The following DCAF10 variants were observed in gnomAD, a reference collection of about 807,000 sequenced individuals.
DCAF10 encodes the protein DDB1- and CUL4-associated factor 10.
In DCAF10, 19 loss-of-function variants were observed where a neutral mutation model predicts 51.9. That is an observed-to-expected ratio of 0.37 (90% CI 0.26 to 0.54). The LOEUF is 0.54. DCAF10 is among the 20% of genes least tolerant of loss of function. The probability of loss-of-function intolerance (pLI) is 0.87; values close to 1 mark genes in which losing one functional copy is unlikely to be tolerated. For missense variants in DCAF10, 510 were observed against 730.6 expected, an observed-to-expected ratio of 0.70 and a Z score of 3.48; for synonymous variants, 291 against 297.1, an observed-to-expected ratio of 0.98 and a Z score of 0.21.
intron 3 of DCAF10, among the ~76,000 whole-genome samples, chr9:37,853,576 A>C (rs1008672971): frequency 6.6e-6 from 1 of 151,648 alleles, no homozygotes; most frequent in African/African-American, 2.4e-5. Context: ...TAACAGCTGG[A>C]AGTTTTACAA....
intron 2 of DCAF10, among the ~76,000 whole-genome samples, chr9:37,835,688 A>G (rs1830141772): frequency 6.6e-6 from 1 of 152,136 alleles, no homozygotes; most frequent in Non-Finnish European, 1.5e-5. Context: ...CAGAGAGCTG[A>G]GAGTCACGCC....
intron 1 of DCAF10, among the ~76,000 whole-genome samples, chr9:37,811,291 CACT>C (rs141990327): frequency 0.13 from 19,427 of 152,184 alleles, 1,396 homozygotes; most frequent in Non-Finnish European, 0.16. Context: ...ATAATCACAT[CACT>C]ACACTTCAGC....
intron 4 of DCAF10, among the ~76,000 whole-genome samples, chr9:37,855,893 G>A (rs1156536031): frequency 6.6e-6 from 1 of 152,180 alleles, no homozygotes; most frequent in African/African-American, 2.4e-5. Flanking sequence ...GCTCACGTTT[G>A]TAATCCTAGC....
intron 3 of DCAF10, among the ~76,000 whole-genome samples, chr9:37,843,034 T>C (rs1278918609): frequency 6.6e-6 from 1 of 152,232 alleles, no homozygotes; most frequent in Non-Finnish European, 1.5e-5. Context: ...GTTGTTGTTT[T>C]TGAGACAGGG....
chr9:37,810,463 C>T (rs111615516), intron 1 of DCAF10, among the ~76,000 whole-genome samples: 25,447 of 146,958 alleles, frequency 0.17, 2,503 homozygotes, highest in African/African-American at 0.25. Context: ...TTCTTTCTTT[C>T]TTTTTTTTTT....
chr9:37,808,175 T>TAGCTGGCAAAGTG (rs1829181034), intron 1 of DCAF10, among the ~76,000 whole-genome samples: 1 of 151,948 alleles, frequency 6.6e-6, no homozygotes, highest in Non-Finnish European at 1.5e-5. Flanking sequence ...GGTTCATACC[T>TAGCTGGCAAAGTG]GTGATCCCAA....
chr9:37,866,543 C>T lies in DCAF10; in HGVS notation c.*5035C>T, dbSNP rs954904203. 1 of 152,160 alleles carries T rather than the reference C, an allele frequency of 6.6e-6. No individual in the cohort carries two copies. Among genetic ancestry groups the T allele is most frequent in the African/African-American group, 2.4e-5 (1 of 41,402 alleles). The allele number at this position is 152,160 out of a possible 1,614,324, so 9.4% of individuals were successfully genotyped here. Reference sequence around the variant, plus strand: ...CAATATGCCTGCTTCTAACAGGCTCCCCACTTTCTTCTAATGTGCTGTTAT... The same window carrying T: ...CAATATGCCTGCTTCTAACAGGCTCTCCACTTTCTTCTAATGTGCTGTTAT... On this transcript the variant is annotated 3_prime_UTR_variant, in exon 7 of 7. Transcript: ENST00000377724.
intron 1 of DCAF10, among the ~76,000 whole-genome samples, chr9:37,811,418 C>T (rs1165911399): frequency 1.3e-5 from 2 of 152,038 alleles, no homozygotes; most frequent in African/African-American, 4.8e-5. Flanking sequence ...AGCACTAGTA[C>T]AAAGAGATTC....
upstream of DCAF10, chr9:37,800,637 C>A (rs1178591075): frequency 6.5e-7 from 1 of 1,536,136 alleles, no homozygotes; most frequent in Admixed American, 2.0e-5. Context: ...GATGCTCAGT[C>A]GCTCACACAG....
In DCAF10 at chr9:37,801,269, G is replaced by A. The variant is rs760033376; in HGVS notation, c.403G>A (p.Gly135Arg). ...GWLKERSLGR[G>R]LFVDPARDNF... ...GCTGAAAGAGCGCAGCCTGGGCCGC[G>A]GGCTGTTCGTGGACCCGGCGCGGGA... Residue 135 changes from glycine to arginine, a missense_variant, in exon 1 of 7, where the codon GGG (glycine) becomes AGG (arginine). Around this residue, in one of 4 missense-constraint regions of DCAF10, gnomAD observed 251 missense variants for 227.9 expected, o/e 1.10. Coordinates refer to ENST00000377724, the MANE Select transcript of DCAF10 (RefSeq NM_024345.5). This position sits in a 1 kb window ranked among gnomAD's most constrained non-coding sequence, Gnocchi z 5.5. 1.9e-6 allele frequency: 3 copies of A among 1,594,510 alleles called. No individual in the cohort carries two copies. The highest frequency in any genetic ancestry group is 1.7e-6 in the Non-Finnish European group (2 of 1,173,196).
chr9:37,826,632 C>T (rs931641808), intron 2 of DCAF10, among the ~76,000 whole-genome samples: 1 of 152,132 alleles, frequency 6.6e-6, no homozygotes, highest in Non-Finnish European at 1.5e-5. Flanking sequence ...AGAGAATGCA[C>T]AGGTGAAATG....
At chr9:37,826,353 A>C (rs1462182891) in intron 2 of DCAF10, among the ~76,000 whole-genome samples, 1 of 152,360 alleles carries the variant, frequency 6.6e-6, no homozygotes, top group Middle Eastern at 3.4e-3. Context: ...GGCACTTTAC[A>C]TCTACTGGAC....
At chr9:37,814,987 T>TAG (rs968892454) in intron 1 of DCAF10, among the ~76,000 whole-genome samples, 11 of 152,124 alleles carry the variant, frequency 7.2e-5, no homozygotes, top group Non-Finnish European at 1.3e-4. Context: ...CAACTGAATC[T>TAG]AGCAATGAGG....
intron 6 of DCAF10, among the ~76,000 whole-genome samples, chr9:37,860,938 A>G (rs1341030217): frequency 1.3e-5 from 2 of 152,166 alleles, no homozygotes; most frequent in Non-Finnish European, 2.9e-5. Flanking sequence ...GCATCATAAC[A>G]CAGAATAACC....
intron 1 of DCAF10, among the ~76,000 whole-genome samples, chr9:37,814,118 A>G (rs1429085695): frequency 3.3e-4 from 27 of 82,750 alleles, no homozygotes; most frequent in African/African-American, 1.4e-3. Flanking sequence ...ATATATATAT[A>G]TATATATATT....
At chr9:37,820,864 A>G (rs1301989087) in intron 2 of DCAF10, among the ~76,000 whole-genome samples, 2 of 152,212 alleles carry the variant, frequency 1.3e-5, no homozygotes, top group Non-Finnish European at 2.9e-5. Context: ...AATTAATTTT[A>G]TGGAGCAGTT....
chr9:37,819,454 G>A lies in DCAF10; in HGVS notation c.653+53G>A, dbSNP rs1829641378. 2.2e-6 allele frequency: 3 copies of A among 1,341,746 alleles called. No individual in the cohort carries two copies. In the East Asian group the frequency reaches 7.1e-5, roughly 32 times the overall value. 83.1% of individuals were successfully genotyped at this position (1,341,746 alleles called of 1,614,324 possible). A position where few individuals can be genotyped will look rare whatever the true frequency, so the allele number is the denominator to read the frequency against. ...TTATCAGTGTGGCCCAAAATGTTCT[G>A]TTTTGGAAGTTAGTGAAAATGAAAA... is the stretch of plus-strand genomic sequence containing the variant. On this transcript the variant is annotated intron_variant, in intron 2 of 6. Coordinates refer to ENST00000377724, the MANE Select transcript of DCAF10 (RefSeq NM_024345.5).
chr9:37,846,318 TATC>T (rs1164960059), intron 3 of DCAF10, among the ~76,000 whole-genome samples: 5 of 152,108 alleles, frequency 3.3e-5, no homozygotes, highest in Admixed American at 6.6e-5. Context: ...AGAGAGGAGA[TATC>T]ATAACCAACC....
chr9:37,835,221 G>A (rs867129430), intron 2 of DCAF10, among the ~76,000 whole-genome samples: 1 of 151,942 alleles, frequency 6.6e-6, no homozygotes, highest in Non-Finnish European at 1.5e-5. Context: ...GATCAGTTGA[G>A]GTCAGGAGTT....
Sources: gnomAD v4.1 joint callset for allele counts (sites outside exome capture counted in the v4.1 genomes callset) on GRCh38, gnomAD v4.1.1 for gene constraint, gnomAD v4.1.1 regional missense constraint, Gnocchi (gnomAD v3.1) non-coding constraint, MANE v1.5 for transcripts, NCBI Gene and HGNC (gene_info 2026-07-23, HGNC 2026-07-21) for gene names.